Variants in TMEM39A observed in about 807,000 individuals in gnomAD.
The protein encoded by TMEM39A is transmembrane protein 39A.
Under a neutral mutation model 51.9 loss-of-function variants are expected in TMEM39A, and 19 were observed. The ratio of observed to expected loss-of-function variants is 0.37; its 90% CI spans 0.26 to 0.54. The LOEUF (loss-of-function observed/expected upper bound fraction) is 0.54, where lower values mean the gene tolerates loss of function less well. Ranked by LOEUF, TMEM39A falls within the 20% of genes least tolerant of loss-of-function variation. The pLI is 0.88. For synonymous variants in TMEM39A, 197 were observed against 220.2 expected (o/e 0.89, Z 0.93); for missense variants, 433 against 590.5 (o/e 0.73, Z 2.76).
In TMEM39A at chr3:119,431,942, T is replaced by A. The variant is rs1044889048; in HGVS notation, c.*39A>T. On this transcript the variant is annotated 3_prime_UTR_variant, in exon 9 of 9. Transcript: ENST00000319172. Reference sequence around the variant, plus strand: ...AAGAAAAAAATAGAACGTATGAAAATATTTTTATCTGAGTTCTCCCTCATT... The same window carrying A: ...AAGAAAAAAATAGAACGTATGAAAAAATTTTTATCTGAGTTCTCCCTCATT... 1 of 1,344,816 alleles carries A rather than the reference T, an allele frequency of 7.4e-7. No individual in the cohort carries two copies. Among genetic ancestry groups the A allele is most frequent in the African/African-American group, 1.5e-5 (1 of 67,450 alleles). 83.3% of individuals were successfully genotyped at this position (1,344,816 alleles called of 1,614,324 possible). A position where few individuals can be genotyped will look rare whatever the true frequency, so the allele number is the denominator to read the frequency against.
chr3:119,452,163 TC>T (rs1251848150), intron 4 of TMEM39A, among the ~76,000 whole-genome samples: 1 of 152,216 alleles, frequency 6.6e-6, no homozygotes, highest in Admixed American at 6.5e-5. Context: ...CTGAAATTCA[TC>T]CTATTTTTAC....
chr3:119,457,550 G>A (rs1270267836), intron 3 of TMEM39A, among the ~76,000 whole-genome samples: 1 of 152,142 alleles, frequency 6.6e-6, no homozygotes, highest in Non-Finnish European at 1.5e-5. Flanking sequence ...CAGCCACCTT[G>A]GAGGTCACAT....
chr3:119,448,640 T>C (rs1158700373), intron 4 of TMEM39A, among the ~76,000 whole-genome samples: 2 of 152,236 alleles, frequency 1.3e-5, no homozygotes, highest in African/African-American at 4.8e-5. Context: ...TTCTCAGTCA[T>C]AGCCTGGCAC....
chr3:119,434,947 G>A (rs2080948602), intron 7 of TMEM39A, 65 bp from the exon 8 acceptor site: 1 of 1,565,588 alleles, frequency 6.4e-7, no homozygotes. Flanking sequence ...ATCTGGCAAG[G>A]CCAGCTGTAT....
At chr3:119,453,521 AG>A (rs2081225706) in intron 3 of TMEM39A, among the ~76,000 whole-genome samples, 1 of 152,240 alleles carries the variant, frequency 6.6e-6, no homozygotes. Context: ...CTTTTAGCCA[AG>A]GGATGAGTGA....
In TMEM39A at chr3:119,436,902, G is replaced by C; in HGVS notation, c.1001C>G (p.Thr334Ser). Reference sequence around the variant, plus strand: ...GTATTTGGATGGCAACAGTTGCGTGGTGAGCATGACAAAAGCATTGATCCA... The same window carrying C: ...GTATTTGGATGGCAACAGTTGCGTGCTGAGCATGACAAAAGCATTGATCCA... ...MVWINAFVML[T>S]TQLLPSKYCD... Residue 334 changes from threonine (T) to serine (S), a missense_variant, in exon 7 of 9, where the codon ACC (threonine) becomes AGC (serine). By Grantham distance (58) the Thr-to-Ser change is moderately conservative. Around this residue, in one of 3 missense-constraint regions of TMEM39A, gnomAD observed 223 missense variants for 328.1 expected, o/e 0.68. Transcript: ENST00000319172. 1 of 1,613,972 alleles carries C rather than the reference G, an allele frequency of 6.2e-7. No homozygotes were observed. The highest frequency in any genetic ancestry group is 8.5e-7 in the Non-Finnish European group (1 of 1,179,906).
At chr3:119,451,396 A>G in intron 4 of TMEM39A, 1 of 849,116 alleles carries the variant, frequency 1.2e-6, no homozygotes, top group Non-Finnish European at 1.7e-6. Context: ...AAAATTTCAC[A>G]CTGAATTATA....
At chr3:119,434,619 G>T in intron 8 of TMEM39A, 143 bp downstream of exon 8, 1 of 1,225,608 alleles carries the variant, frequency 8.2e-7, no homozygotes, top group Non-Finnish European at 1.1e-6. Context: ...AAAGTACAGG[G>T]ACCACTGTTA....
intron 4 of TMEM39A, among the ~76,000 whole-genome samples, chr3:119,449,458 C>T (rs1276113712): frequency 6.6e-6 from 1 of 151,886 alleles, no homozygotes; most frequent in Non-Finnish European, 1.5e-5. Flanking sequence ...CCTGTAATCC[C>T]AGCTACTTGG....
chr3:119,438,133 C>T (rs376557102), intron 5 of TMEM39A, 30 bp from the exon 6 acceptor site: 152 of 1,520,822 alleles, frequency 1.0e-4, no homozygotes, highest in Non-Finnish European at 1.3e-4. Context: ...AATGAGACCA[C>T]AGATACCACC....
chr3:119,458,513 ATC>A (rs752769723), intron 2 of TMEM39A, among the ~76,000 whole-genome samples: 1 of 152,200 alleles, frequency 6.6e-6, no homozygotes, highest in Non-Finnish European at 1.5e-5. Flanking sequence ...CCTACTGGAC[ATC>A]TCTGTGTTCT....
chr3:119,451,809 A>C (rs1442270149), intron 4 of TMEM39A, among the ~76,000 whole-genome samples: 1 of 147,548 alleles, frequency 6.8e-6, no homozygotes, highest in African/African-American at 2.5e-5. Context: ...CAGCCTGGGC[A>C]ACAAGAGTGA....
chr3:119,457,619 G>A (rs1422977940), intron 3 of TMEM39A, among the ~76,000 whole-genome samples: 2 of 152,096 alleles, frequency 1.3e-5, no homozygotes, highest in Non-Finnish European at 2.9e-5. Flanking sequence ...CTGGCAACCA[G>A]GACAACTGCC....
At position 119,463,580 on chromosome 3, in the gene TMEM39A, C is replaced by G; in HGVS notation, c.-319G>C. 1 of 398,856 alleles carries G rather than the reference C, an allele frequency of 2.5e-6. No individual in the cohort carries two copies. The highest frequency in any genetic ancestry group is 4.4e-6 in the Non-Finnish European group (1 of 226,202). 24.7% of individuals were successfully genotyped at this position (398,856 alleles called of 1,614,324 possible). On this transcript the variant is annotated 5_prime_UTR_variant, in exon 1 of 9. An upstream open reading frame in the 5' UTR loses its in-frame stop. Coordinates refer to ENST00000319172, the MANE Select transcript of TMEM39A (RefSeq NM_018266.3). Reference sequence around the variant, plus strand: ...AAGCTAGAGCCAGAGCCTGATACTTCAGCACCCATCCCTAGCCTCCATTAC... The same window carrying G: ...AAGCTAGAGCCAGAGCCTGATACTTGAGCACCCATCCCTAGCCTCCATTAC...
At chr3:119,444,743 T>C (rs1157228739) in intron 5 of TMEM39A, among the ~76,000 whole-genome samples, 3 of 152,180 alleles carry the variant, frequency 2.0e-5, no homozygotes, top group Admixed American at 6.5e-5. Flanking sequence ...TCAGTAGGTT[T>C]GGGGTAGATT....
At position 119,463,429 on chromosome 3, in the gene TMEM39A, T is replaced by A. The variant is rs1379383402; in HGVS notation, c.-168A>T. On this transcript the variant is annotated 5_prime_UTR_variant, in exon 1 of 9. Coordinates refer to ENST00000319172, the MANE Select transcript of TMEM39A (RefSeq NM_018266.3). The stretch of plus-strand genomic sequence containing the variant: ...CAGGTAAGGGAACTCCCTCCCAGCG[T>A]TGGAACGCTGCAAACCAGCTGCTTG... 2.5e-6 allele frequency: 1 copy of A among 394,898 alleles called. No homozygotes were observed. The highest frequency in any genetic ancestry group is 2.1e-5 in the African/African-American group (1 of 48,514). 24.5% of individuals were successfully genotyped at this position (394,898 alleles called of 1,614,324 possible).
chr3:119,461,951 T>G lies in TMEM39A; in HGVS notation c.113+11A>C, dbSNP rs377520461. 73 of 1,607,566 alleles carry G rather than the reference T, an allele frequency of 4.5e-5. No individual in the cohort carries two copies. Among genetic ancestry groups the G allele is most frequent in the Non-Finnish European group, 5.7e-5 (67 of 1,175,410 alleles). On this transcript the variant is annotated intron_variant, in intron 2 of 8. Coordinates refer to ENST00000319172, the MANE Select transcript of TMEM39A (RefSeq NM_018266.3). ...ACATTAAAATTATATATAGCCTTATTTTTTCTTTACCTGTTTCTCAAGCCT... is the reference window on the plus strand; with the variant it reads ...ACATTAAAATTATATATAGCCTTATGTTTTCTTTACCTGTTTCTCAAGCCT...
At chr3:119,451,206 T>C (rs2081193387) in intron 4 of TMEM39A, 4 of 1,262,066 alleles carry the variant, frequency 3.2e-6, no homozygotes, top group Admixed American at 2.6e-5. Context: ...GGAATCCTAC[T>C]ACCTGTGCTT....
intron 5 of TMEM39A, among the ~76,000 whole-genome samples, chr3:119,440,108 TC>T (rs2081030895): frequency 6.6e-6 from 1 of 152,066 alleles, no homozygotes; most frequent in Admixed American, 6.6e-5. Flanking sequence ...CATGTGCATA[TC>T]TGTGATGGCT....
Sources: allele counts gnomAD v4.1 joint callset (sites outside exome capture counted in the v4.1 genomes callset), GRCh38; gene constraint gnomAD v4.1.1; regional missense constraint gnomAD v4.1.1; transcripts MANE v1.5; gene names NCBI Gene and HGNC (gene_info 2026-07-23, HGNC 2026-07-21).